Variants in TBC1D14 observed in about 807,000 individuals in gnomAD.
TBC1D14 encodes TBC1 domain family, member 14.
Under a neutral mutation model 79.0 loss-of-function variants are expected in TBC1D14, and 26 were observed. The ratio of observed to expected loss-of-function variants is 0.33; its 90% CI spans 0.24 to 0.46. The LOEUF is 0.46. Ranked by LOEUF, TBC1D14 falls within the 20% of genes least tolerant of loss-of-function variation. The pLI is 1.00. For synonymous variants in TBC1D14, 394 were observed against 349.9 expected (o/e 1.13, Z -1.40); for missense variants, 769 against 887.6 (o/e 0.87, Z 1.70).
At chr4:7,008,198 A>C (rs548965057) in intron 9 of TBC1D14, among the ~76,000 whole-genome samples, 1 of 152,180 alleles carries the variant, frequency 6.6e-6, no homozygotes, top group Non-Finnish European at 1.5e-5. Context: ...ATATCCTACC[A>C]GGTGGTGGCA....
chr4:6,933,343 C>T (rs535197275), intron 2 of TBC1D14, among the ~76,000 whole-genome samples: 6 of 139,622 alleles, frequency 4.3e-5, no homozygotes, highest in African/African-American at 8.1e-5. Flanking sequence ...CTCGCTTTGT[C>T]GCCCAGGCTG....
chr4:7,010,778 C>T lies in TBC1D14; in HGVS notation c.1644C>T (p.Gly548=), dbSNP rs140091185. 3 of 1,613,280 alleles carry T rather than the reference C, an allele frequency of 1.9e-6. No homozygotes were observed. The highest frequency in any genetic ancestry group is 1.3e-5 in the African/African-American group (1 of 74,820). The change falls in exon 11 of 14, where the codon GGC becomes GGT. Residue 548 remains glycine (G), a synonymous_variant. Coordinates refer to ENST00000409757, the MANE Select transcript of TBC1D14 (RefSeq NM_020773.3). ...TGGCGTTTTTTAGAGTGGACCATGG[C>T]CTTGTGAGTATCCTCTGTGTTCGGG... ...CQMAFFRVDH[G]LMLTYFAAFE...
At chr4:6,981,692 A>G (rs542131285) in intron 3 of TBC1D14, among the ~76,000 whole-genome samples, 1 of 152,388 alleles carries the variant, frequency 6.6e-6, no homozygotes, top group South Asian at 2.1e-4. Context: ...AGTGACGTTT[A>G]GCCCAGGAAC....
intron 2 of TBC1D14, among the ~76,000 whole-genome samples, chr4:6,924,603 G>T (rs1000509846): frequency 5.9e-5 from 9 of 151,914 alleles, no homozygotes; most frequent in African/African-American, 1.7e-4. Context: ...TCCTGGCCCT[G>T]CCTCTGCTGT....
intron 3 of TBC1D14, among the ~76,000 whole-genome samples, chr4:6,993,714 C>CT (rs768444232): frequency 6.6e-6 from 1 of 152,206 alleles, no homozygotes; most frequent in Admixed American, 6.5e-5. Flanking sequence ...CTTTGGAACT[C>CT]TAAGACCCCT....
At chr4:7,005,959 C>A (rs1042927912) in intron 8 of TBC1D14, among the ~76,000 whole-genome samples, 28 of 152,188 alleles carry the variant, frequency 1.8e-4, no homozygotes, top group African/African-American at 6.8e-4. Flanking sequence ...TTAAGAAATA[C>A]ATGATTTTAC....
At position 7,025,100 on chromosome 4, in the gene TBC1D14, G is replaced by T; in HGVS notation, c.1854G>T (p.Thr618=). ...ATGGGGAAGAGTTCCTGTTCCGCACGGCCCTGGGCATCCTGAAGCTGTTCG... is the reference window on the plus strand; with the variant it reads ...ATGGGGAAGAGTTCCTGTTCCGCACTGCCCTGGGCATCCTGAAGCTGTTCG... ...CRDGEEFLFR[T]ALGILKLFED... The change falls in exon 13 of 14, where the codon ACG becomes ACT. Residue 618 remains threonine, a synonymous_variant. Coordinates refer to ENST00000409757, the MANE Select transcript of TBC1D14 (RefSeq NM_020773.3). 6.2e-7 allele frequency: 1 copy of T among 1,614,196 alleles called. No individual in the cohort carries two copies. Among genetic ancestry groups the T allele is most frequent in the Non-Finnish European group, 8.5e-7 (1 of 1,180,028 alleles).
At chr4:6,954,351 T>G (rs1286427489) in intron 2 of TBC1D14, 1 of 715,192 alleles carries the variant, frequency 1.4e-6, no homozygotes, top group Non-Finnish European at 2.6e-6. Context: ...TTGTGGCTGC[T>G]TTCTTGCCTT....
chr4:6,944,571 T>TA (rs1713241144), intron 2 of TBC1D14, among the ~76,000 whole-genome samples: 1 of 152,174 alleles, frequency 6.6e-6, no homozygotes, highest in Admixed American at 6.5e-5. Context: ...AGTTCACTGT[T>TA]AGTGAGAGCC....
intron 3 of TBC1D14, among the ~76,000 whole-genome samples, chr4:6,985,731 C>A (rs1717761540): frequency 6.6e-6 from 1 of 152,174 alleles, no homozygotes; most frequent in Non-Finnish European, 1.5e-5. Flanking sequence ...TTTAGGCAGC[C>A]ATGCTAAAAG....
At chr4:6,940,621 G>A (rs964752748) in intron 2 of TBC1D14, among the ~76,000 whole-genome samples, 1 of 152,048 alleles carries the variant, frequency 6.6e-6, no homozygotes, top group Non-Finnish European at 1.5e-5. Context: ...GGGGGTGGGG[G>A]AGGAGCCTAC....
Position 6,995,985 on chromosome 4 carries a change from C to T in TBC1D14, c.963-340C>T, listed in dbSNP as rs963290235. On this transcript the variant is annotated intron_variant, in intron 4 of 13. Transcript: ENST00000409757. ...CTGATTAGCTGGGACTACAGGCGCCCGCCACCATGCCCGGCTAATTTTTTG... is the reference window on the plus strand; with the variant it reads ...CTGATTAGCTGGGACTACAGGCGCCTGCCACCATGCCCGGCTAATTTTTTG... Among the ~76,000 whole-genome samples, 196 of 149,718 alleles carry T rather than the reference C, an allele frequency of 1.3e-3. 1 individual carries two copies. Among genetic ancestry groups the T allele is most frequent in the African/African-American group, 4.4e-3 (179 of 40,684 alleles).
intron 2 of TBC1D14, among the ~76,000 whole-genome samples, chr4:6,954,864 C>T (rs1032086861): frequency 6.6e-6 from 1 of 152,264 alleles, no homozygotes; most frequent in African/African-American, 2.4e-5. Flanking sequence ...CTTGGCCTCC[C>T]AAAGTGCTGG....
At chr4:6,930,623 C>T (rs1312156169) in intron 2 of TBC1D14, among the ~76,000 whole-genome samples, 1 of 152,030 alleles carries the variant, frequency 6.6e-6, no homozygotes, top group Non-Finnish European at 1.5e-5. Context: ...CATGGCGAAA[C>T]TCCATCTTTA....
chr4:6,989,352 ACT>A (rs1330794361), intron 3 of TBC1D14, among the ~76,000 whole-genome samples: 1 of 151,856 alleles, frequency 6.6e-6, no homozygotes, highest in African/African-American at 2.4e-5. Context: ...AACAACTTTG[ACT>A]CTGCACCATT....
chr4:7,006,142 C>G (rs1482159371), intron 8 of TBC1D14, among the ~76,000 whole-genome samples: 1 of 151,514 alleles, frequency 6.6e-6, no homozygotes, highest in Non-Finnish European at 1.5e-5. Flanking sequence ...CAAAGCCAGC[C>G]TGAGCAACAA....
chr4:6,942,180 G>T (rs928577083), intron 2 of TBC1D14, among the ~76,000 whole-genome samples: 1 of 152,086 alleles, frequency 6.6e-6, no homozygotes, highest in African/African-American at 2.4e-5. Context: ...TCTTAAATAG[G>T]AGATTATTTA....
chr4:7,030,716 T>C lies in TBC1D14; in HGVS notation c.*324T>C, dbSNP rs1240163586. 1.6e-5 allele frequency: 4 copies of C among 244,702 alleles called. No individual in the cohort carries two copies. The East Asian group carries it at 2.6e-4, about 16-fold the overall frequency. 15.2% of individuals were successfully genotyped at this position (244,702 alleles called of 1,614,324 possible). ...CTAATTAAATTGTAATGTTTCTATG[T>C]CAACTACTGGGAAGTATGTTACAGT... On this transcript the variant is annotated 3_prime_UTR_variant, in exon 14 of 14. Transcript: ENST00000409757.
intron 2 of TBC1D14, among the ~76,000 whole-genome samples, chr4:6,943,433 G>C (rs750236973): frequency 3.9e-5 from 6 of 152,188 alleles, no homozygotes; most frequent in Non-Finnish European, 5.9e-5. Flanking sequence ...CCACCACCTG[G>C]AGGATGAAGT....
Sources: gnomAD v4.1 joint callset for allele counts (sites outside exome capture counted in the v4.1 genomes callset) on GRCh38, gnomAD v4.1.1 for gene constraint, MANE v1.5 for transcripts, NCBI Gene and HGNC (gene_info 2026-07-23, HGNC 2026-07-21) for gene names.